DMD: variants seen among roughly 807,000 people sequenced by gnomAD.
DMD encodes mutant dystrophin.
In DMD, 63 loss-of-function variants were observed where a neutral mutation model predicts 330.1. That is an observed-to-expected ratio of 0.19 (90% CI 0.16 to 0.24). DMD has a LOEUF of 0.24. Ranked by LOEUF, DMD falls within the 10% of genes least tolerant of loss-of-function variation. DMD has a pLI of 1.00. For synonymous variants in DMD, 1,223 were observed against 959.8 expected (o/e 1.27, Z -5.07); for missense variants, 3,344 against 2,684.1 (o/e 1.25, Z -5.43).
chrX:31,794,375 T>C (rs2091723015), intron 50 of DMD, among the ~76,000 whole-genome samples: 1 of 111,784 alleles, frequency 8.9e-6, no homozygotes, highest in South Asian at 3.7e-4. Context: ...GGGAATGGCT[T>C]AGCTGTTTGC....
chrX:31,191,682 T>G (rs2148431462), intron 67 of DMD, among the ~76,000 whole-genome samples: 1 of 112,166 alleles, frequency 8.9e-6, no homozygotes, highest in South Asian at 3.7e-4. Context: ...CCCAGCCACG[T>G]GGAACTGTTA....
intron 1 of DMD, among the ~76,000 whole-genome samples, chrX:33,112,831 T>C (rs2095350567): frequency 2.8e-5 from 3 of 108,514 alleles, no homozygotes; most frequent in Non-Finnish European, 5.7e-5. Context: ...CTCGTGCCTG[T>C]AATCCCAGCA....
chrX:32,305,595 G>A (rs2097537571), intron 42 of DMD, among the ~76,000 whole-genome samples: 1 of 111,124 alleles, frequency 9.0e-6, no homozygotes, highest in Admixed American at 9.6e-5. Flanking sequence ...TTCAACTCTT[G>A]TTGATTCTAT....
chrX:32,404,214 T>A (rs187527795), intron 30 of DMD, among the ~76,000 whole-genome samples: 150 of 111,932 alleles, frequency 1.3e-3, no homozygotes, highest in Non-Finnish European at 2.3e-3. Flanking sequence ...TAGTTTAAAT[T>A]AATAGCTTTC....
chrX:31,823,485 T>C (rs1287791558), intron 49 of DMD, among the ~76,000 whole-genome samples: 1 of 111,914 alleles, frequency 8.9e-6, no homozygotes, highest in East Asian at 2.8e-4. Context: ...TCCCCCAACT[T>C]GACTTCAATG....
At chrX:33,244,105 T>C (rs2052630459) in intron 1 of DMD, among the ~76,000 whole-genome samples, 2 of 112,126 alleles carry the variant, frequency 1.8e-5, no homozygotes, top group Middle Eastern at 4.7e-3. Flanking sequence ...CTTTTGTTTA[T>C]TCTTCTTGCC....
chrX:31,192,250 ACT>A (rs769254383), intron 67 of DMD, among the ~76,000 whole-genome samples: 2 of 112,370 alleles, frequency 1.8e-5, no homozygotes, highest in African/African-American at 3.2e-5. Context: ...TGATAAAAAG[ACT>A]CTATAAAACT....
intron 1 of DMD, among the ~76,000 whole-genome samples, chrX:33,201,735 G>A (rs570955471): frequency 8.9e-6 from 1 of 112,289 alleles, no homozygotes; most frequent in South Asian, 3.6e-4. Context: ...AGTATGGCAC[G>A]TTAATCTATG....
intron 55 of DMD, among the ~76,000 whole-genome samples, chrX:31,575,749 G>C (rs2076064679): frequency 8.9e-6 from 1 of 111,840 alleles, no homozygotes; most frequent in South Asian, 3.7e-4. Context: ...TATAATTACA[G>C]TAGTTTCCTA....
In DMD at chrX:31,183,131, T is replaced by C. The variant is rs147802946; in HGVS notation, c.9808-227A>G. Among the ~76,000 whole-genome samples the C allele has an allele frequency of 3.4e-3, 351 of 103,054 alleles. 2 individuals are homozygous for C. The highest frequency in any genetic ancestry group is 0.011 in the African/African-American group (306 of 28,036). The allele number at this position is 103,054 out of a possible 115,157, so 89.5% of individuals were successfully genotyped here. A position where few individuals can be genotyped will look rare whatever the true frequency, so the allele number is the denominator to read the frequency against. On this transcript the variant is annotated intron_variant, in intron 67 of 78. Transcript: ENST00000357033. ...CTTTGGTAAACTGCCATTACTCTTTTTGGCTACTAGATGACAAGAAAAGAA... is the reference window on the plus strand; with the variant it reads ...CTTTGGTAAACTGCCATTACTCTTTCTGGCTACTAGATGACAAGAAAAGAA...
At chrX:33,009,974 GTATACACATGTGTGTATATACACGTA>G (rs2093632015) in intron 2 of DMD, among the ~76,000 whole-genome samples, 1 of 51,828 alleles carries the variant, frequency 1.9e-5, no homozygotes, top group Non-Finnish European at 3.3e-5. Context: ...ACATATGTGT[GTATACACATGTGTGTATATACACGTA>G]TGTATGTGTA....
At chrX:33,318,446 G>T (rs1169870716) in intron 1 of DMD, among the ~76,000 whole-genome samples, 1 of 107,437 alleles carries the variant, frequency 9.3e-6, no homozygotes, top group Non-Finnish European at 1.9e-5. Flanking sequence ...TAATTACTCA[G>T]TGTATTTTTT....
chrX:31,921,886 A>G (rs1347949630), intron 47 of DMD, among the ~76,000 whole-genome samples: 1 of 111,783 alleles, frequency 8.9e-6, no homozygotes, highest in Non-Finnish European at 1.9e-5. Context: ...ACTCCTGTTT[A>G]CTTTTTCCTT....
At chrX:32,624,948 G>A (rs924227866) in intron 11 of DMD, among the ~76,000 whole-genome samples, 3 of 111,287 alleles carry the variant, frequency 2.7e-5, no homozygotes, top group Admixed American at 1.9e-4. Flanking sequence ...CTGAGGCGGC[G>A]GATCACAAGG....
At chrX:32,450,211 G>A (rs1256894856) in intron 26 of DMD, among the ~76,000 whole-genome samples, 1 of 110,616 alleles carries the variant, frequency 9.0e-6, no homozygotes, top group Non-Finnish European at 1.9e-5. Flanking sequence ...GGTGGTTAAG[G>A]TAAGGGCTTA....
chrX:32,594,197 G>A (rs933689726), intron 13 of DMD, among the ~76,000 whole-genome samples: 3 of 111,970 alleles, frequency 2.7e-5, no homozygotes, highest in East Asian at 5.6e-4. Flanking sequence ...AACTCAGGGT[G>A]TTAAGTATGC....
Position 33,198,953 on chromosome X carries a change from T to TA in DMD, c.31+12328dup, listed in dbSNP as rs373235770. 6.4e-3 allele frequency among the ~76,000 whole-genome samples: 601 copies of TA among 93,240 alleles called. 6 individuals carry two copies. The highest frequency in any genetic ancestry group is 0.021 in the African/African-American group (540 of 25,473). The allele number at this position is 93,240 out of a possible 115,157, so 81.0% of individuals were successfully genotyped here. On this transcript the variant is annotated intron_variant, in intron 1 of 78. Transcript: ENST00000357033. ...AAAGCATACACAAAAGTACTGTAGA[T>TA]AAAAAAAAAAAGCTATACCTAGTCA...
intron 63 of DMD, 94 bp downstream of exon 63, chrX:31,260,861 G>A: frequency 1.3e-6 from 1 of 795,623 alleles, no homozygotes; most frequent in Non-Finnish European, 1.9e-6. Context: ...ATCTAGTGAT[G>A]TATTTATATA....
intron 41 of DMD, among the ~76,000 whole-genome samples, chrX:32,336,018 TG>T (rs764107350): frequency 6.3e-5 from 6 of 95,376 alleles, no homozygotes; most frequent in African/African-American, 2.1e-4. Context: ...ATATATAACG[TG>T]TATATATAAC....
Sources: gnomAD v4.1 joint callset for allele counts (sites outside exome capture counted in the v4.1 genomes callset) on GRCh38, gnomAD v4.1.1 for gene constraint, MANE v1.5 for transcripts, NCBI Gene and HGNC (gene_info 2026-07-23, HGNC 2026-07-21) for gene names.